IDE: variants seen among roughly 807,000 people sequenced by gnomAD.
IDE encodes the protein insulin degrading enzyme.
In IDE, 58 loss-of-function variants were observed where a neutral mutation model predicts 133.2. The ratio of observed to expected loss-of-function variants is 0.44; its 90% CI spans 0.35 to 0.54. IDE has a LOEUF of 0.54. IDE is among the 20% of genes least tolerant of loss of function. IDE has a pLI of 0.00. For missense variants in IDE, 981 were observed against 1,234.0 expected (o/e 0.79, Z 3.07); for synonymous variants, 396 against 421.3 (o/e 0.94, Z 0.73).
intron 1 of IDE, among the ~76,000 whole-genome samples, chr10:92,556,273 C>T (rs1278059093): frequency 6.6e-6 from 1 of 151,558 alleles, no homozygotes; most frequent in African/African-American, 2.4e-5. Flanking sequence ...ATTGTATTTC[C>T]ATACAGTAGC....
chr10:92,493,332 A>G (rs994587534), intron 11 of IDE, among the ~76,000 whole-genome samples: 1 of 151,944 alleles, frequency 6.6e-6, no homozygotes, highest in Admixed American at 6.6e-5. Flanking sequence ...TAAAAAATAT[A>G]CTAAGTAGAA....
chr10:92,573,011 C>T, intron 1 of IDE: 1 of 985,346 alleles, frequency 1.0e-6, no homozygotes, highest in Non-Finnish European at 1.2e-6. Context: ...GGGTCCAGCA[C>T]AGTGCCCTGC....
At chr10:92,541,403 A>G in intron 1 of IDE, 1 of 443,926 alleles carries the variant, frequency 2.3e-6, no homozygotes, top group Non-Finnish European at 4.6e-6. Flanking sequence ...TCACCTGTCT[A>G]TCTACTTCAG....
intron 4 of IDE, among the ~76,000 whole-genome samples, chr10:92,530,727 A>C (rs7078413): frequency 0.3 from 45,505 of 152,120 alleles, 7,145 homozygotes; most frequent in Non-Finnish European, 0.35. Flanking sequence ...AATTATGTTA[A>C]TATTGAGTGC....
chr10:92,500,391 A>C (rs1161165490), intron 11 of IDE, among the ~76,000 whole-genome samples: 1 of 152,206 alleles, frequency 6.6e-6, no homozygotes, highest in Non-Finnish European at 1.5e-5. Context: ...TTAAAAAGAA[A>C]GGGAATCCTG....
chr10:92,538,302 T>C (rs1371731251), intron 1 of IDE, among the ~76,000 whole-genome samples: 1 of 152,144 alleles, frequency 6.6e-6, no homozygotes, highest in East Asian at 1.9e-4. Flanking sequence ...AAAGATAGGG[T>C]AGATCTGGAA....
intron 1 of IDE, among the ~76,000 whole-genome samples, chr10:92,540,020 T>A (rs572069011): frequency 3.3e-5 from 5 of 152,180 alleles, no homozygotes; most frequent in African/African-American, 1.2e-4. Flanking sequence ...GGCGGGCAGA[T>A]CATCTGAGGT....
intron 1 of IDE, among the ~76,000 whole-genome samples, chr10:92,543,454 C>T (rs970480270): frequency 5.9e-5 from 9 of 152,180 alleles, no homozygotes; most frequent in African/African-American, 9.7e-5. Flanking sequence ...CAAAGCTCTT[C>T]AGTTATAGGA....
chr10:92,562,634 A>C (rs1421113897), intron 1 of IDE, among the ~76,000 whole-genome samples: 1 of 152,180 alleles, frequency 6.6e-6, no homozygotes, highest in East Asian at 1.9e-4. Flanking sequence ...TGAATTCAAG[A>C]ATATTTTACC....
Position 92,508,181 on chromosome 10 carries a change from C to T in IDE, c.1085G>A (p.Gly362Glu), listed in dbSNP as rs1848395758. The T allele has an allele frequency of 6.2e-7, 1 of 1,613,716 alleles. No homozygotes were observed. Among genetic ancestry groups the T allele is most frequent in the Non-Finnish European group, 8.5e-7 (1 of 1,179,860 alleles). ...AAAACCTCGGGCTCCTTCCTTCTGC[C>T]CACCAACAAGAGTATTAACCCAGCC... ...SKGWVNTLVG[G>E]QKEGARGFMF... Residue 362 changes from glycine (G) to glutamate (E), a missense_variant, in exon 8 of 25, where the codon GGG (glycine) becomes GAG (glutamate). Around this residue, in one of 2 missense-constraint regions of IDE, gnomAD observed 660 missense variants for 894.7 expected, o/e 0.74. Transcript: ENST00000265986.
chr10:92,503,818 A>C (rs990337905), intron 11 of IDE, among the ~76,000 whole-genome samples: 1 of 151,450 alleles, frequency 6.6e-6, no homozygotes, highest in African/African-American at 2.4e-5. Flanking sequence ...TCCTGGGTTC[A>C]AGCGATTCTC....
chr10:92,509,791 T>G (rs1215553818), intron 6 of IDE, among the ~76,000 whole-genome samples: 2 of 151,830 alleles, frequency 1.3e-5, no homozygotes, highest in East Asian at 3.9e-4. Context: ...TGTGGTAGTG[T>G]GTACTTGTAG....
In IDE at chr10:92,510,094, A is replaced by G. The variant is rs997663411; in HGVS notation, c.853T>C (p.Leu285=). The G allele has an allele frequency of 1.9e-6, 3 of 1,606,844 alleles. No homozygotes were observed. The highest frequency in any genetic ancestry group is 2.6e-6 in the Non-Finnish European group (3 of 1,174,644). The change falls in exon 6 of 25, where the codon TTG becomes CTG. Residue 285 remains leucine (L), a synonymous_variant. Transcript: ENST00000265986. ...AAAGGGTGTTCAGGAAATTCTGGCA[A>G]TGGAACATTTTTGTTCTCTACTTCA... ...FSEVENKNVP[L]PEFPEHPFQE... is the part of the protein sequence containing the mutation.
chr10:92,505,950 A>C (rs916628978), intron 10 of IDE, among the ~76,000 whole-genome samples: 1 of 152,188 alleles, frequency 6.6e-6, no homozygotes, highest in Non-Finnish European at 1.5e-5. Context: ...CTCTGTTGGG[A>C]AACCACTGAA....
At chr10:92,572,854 C>T (rs940814066) in intron 1 of IDE, 2 of 980,896 alleles carry the variant, frequency 2.0e-6, no homozygotes, top group African/African-American at 1.8e-5. Flanking sequence ...AGCCTACCCC[C>T]CCATCTCTGG....
chr10:92,572,353 C>A (rs1200390314), intron 1 of IDE, among the ~76,000 whole-genome samples: 1 of 152,166 alleles, frequency 6.6e-6, no homozygotes, highest in Non-Finnish European at 1.5e-5. Context: ...GTTCAGGGGT[C>A]TTTTGCACAT....
chr10:92,470,247 C>T lies in IDE; in HGVS notation c.2208+7G>A. 3 of 1,586,358 alleles carry T rather than the reference C, an allele frequency of 1.9e-6. No homozygotes were observed. The highest frequency in any genetic ancestry group is 2.6e-6 in the Non-Finnish European group (3 of 1,164,502). ...CACAAAAGATTGCTAAAACCTCAAC[C>T]ACCCACCTGCTTTGTTATGTTTCCA... On this transcript the variant is annotated splice_region_variant and intron_variant, in intron 18 of 24. Coordinates refer to ENST00000265986, the MANE Select transcript of IDE (RefSeq NM_004969.4).
At chr10:92,518,765 T>C (rs1159423247) in intron 4 of IDE, among the ~76,000 whole-genome samples, 2 of 152,088 alleles carry the variant, frequency 1.3e-5, no homozygotes, top group South Asian at 2.1e-4. Flanking sequence ...CAAAACAAAA[T>C]GTTGAATGAA....
chr10:92,469,770 G>A (rs1336697862), intron 18 of IDE, among the ~76,000 whole-genome samples: 1 of 152,166 alleles, frequency 6.6e-6, no homozygotes, highest in African/African-American at 2.4e-5. Flanking sequence ...TGCTTTCCAT[G>A]TGCTAAGTAC....
Sources: allele counts gnomAD v4.1 joint callset (sites outside exome capture counted in the v4.1 genomes callset), GRCh38; gene constraint gnomAD v4.1.1; regional missense constraint gnomAD v4.1.1; transcripts MANE v1.5; gene names NCBI Gene and HGNC (gene_info 2026-07-23, HGNC 2026-07-21).